The following PVT1 variants were observed in gnomAD, a reference collection of about 807,000 sequenced individuals.
PVT1 encodes CXCR4/PVT1 fusion.
chr8:128,039,975 A>C (rs758870850), intron 4 of PVT1, among the ~76,000 whole-genome samples: 5 of 152,220 alleles, frequency 3.3e-5, no homozygotes, highest in African/African-American at 7.2e-5. Context: ...TGAAGTTTCC[A>C]TTTATTGATA....
intron 4 of PVT1, among the ~76,000 whole-genome samples, chr8:128,035,404 C>T (rs951475308): frequency 3.9e-5 from 6 of 152,190 alleles, no homozygotes; most frequent in Admixed American, 3.3e-4. Context: ...CTTCCTTGGA[C>T]CTGAGCCCAT....
intron 2 of PVT1, among the ~76,000 whole-genome samples, chr8:127,876,049 G>C (rs1815401626): frequency 6.6e-6 from 1 of 152,214 alleles, no homozygotes. Flanking sequence ...CCCTCAGCCA[G>C]GTTTACTGAA....
At chr8:128,060,584 T>C (rs1813818304) in intron 4 of PVT1, among the ~76,000 whole-genome samples, 1 of 152,178 alleles carries the variant, frequency 6.6e-6, no homozygotes, top group South Asian at 2.1e-4. Flanking sequence ...CTCAACCTTC[T>C]CATGGGAGGG....
intron 2 of PVT1, among the ~76,000 whole-genome samples, chr8:127,806,375 C>T (rs967526323): frequency 2.6e-5 from 4 of 152,054 alleles, no homozygotes; most frequent in East Asian, 1.9e-4. Context: ...GCAGGAGAAT[C>T]GCTTGAACCT....
intron 4 of PVT1, among the ~76,000 whole-genome samples, chr8:128,009,338 A>G (rs999201365): frequency 7.9e-5 from 12 of 152,222 alleles, no homozygotes; most frequent in African/African-American, 2.2e-4. Flanking sequence ...TATTTGCTAC[A>G]AAAAAGTCCT....
At chr8:127,885,408 G>C (rs759708361) in intron 2 of PVT1, among the ~76,000 whole-genome samples, 2 of 152,188 alleles carry the variant, frequency 1.3e-5, no homozygotes, top group Non-Finnish European at 2.9e-5. Context: ...TATTTGTCAT[G>C]GTTCTGGAGG....
chr8:128,072,405 C>T (rs776373776), intron 5 of PVT1, among the ~76,000 whole-genome samples: 1 of 152,208 alleles, frequency 6.6e-6, no homozygotes, highest in Non-Finnish European at 1.5e-5. Context: ...GCCTCCACCT[C>T]CTTATTTTTA....
At chr8:128,068,056 A>G (rs2130131223) in intron 4 of PVT1, among the ~76,000 whole-genome samples, 1 of 151,180 alleles carries the variant, frequency 6.6e-6, no homozygotes, top group African/African-American at 2.4e-5. Context: ...TCACCCAATT[A>G]CAACTCTTGC....
intron 4 of PVT1, among the ~76,000 whole-genome samples, chr8:128,063,204 C>G (rs1320794970): frequency 6.6e-6 from 1 of 152,092 alleles, no homozygotes; most frequent in Non-Finnish European, 1.5e-5. Flanking sequence ...CATCTGTAAT[C>G]GTTGCAGATG....
intron 2 of PVT1, among the ~76,000 whole-genome samples, chr8:127,839,638 A>G (rs575676653): frequency 7.2e-5 from 11 of 152,216 alleles, no homozygotes; most frequent in African/African-American, 2.6e-4. Context: ...GAAGCCAGAT[A>G]ATAAGGCAGG....
chr8:127,801,634 G>A (rs1814465899), intron 2 of PVT1, among the ~76,000 whole-genome samples: 1 of 152,084 alleles, frequency 6.6e-6, no homozygotes, highest in Non-Finnish European at 1.5e-5. Flanking sequence ...ACTAAATCAG[G>A]GTCAGGAGCT....
At chr8:128,093,250 C>T (rs1054740718) in intron 5 of PVT1, among the ~76,000 whole-genome samples, 5 of 152,218 alleles carry the variant, frequency 3.3e-5, no homozygotes, top group East Asian at 1.9e-4. Flanking sequence ...AAATAACCAA[C>T]CCTCTTAAGA....
At chr8:128,012,857 G>A (rs975116214) in intron 4 of PVT1, among the ~76,000 whole-genome samples, 7 of 152,156 alleles carry the variant, frequency 4.6e-5, no homozygotes, top group Non-Finnish European at 1.0e-4. Flanking sequence ...CAGAGATTAA[G>A]ATTTAATTGA....
chr8:128,006,338 T>C (rs1469559831), intron 4 of PVT1, among the ~76,000 whole-genome samples: 1 of 152,068 alleles, frequency 6.6e-6, no homozygotes, highest in Non-Finnish European at 1.5e-5. Flanking sequence ...AGTACAATGC[T>C]CAGTTGCCAC....
At chr8:128,005,124 G>A (rs1296837332) in intron 4 of PVT1, among the ~76,000 whole-genome samples, 2 of 149,160 alleles carry the variant, frequency 1.3e-5, no homozygotes, top group African/African-American at 4.9e-5. Flanking sequence ...TGGGCAACAA[G>A]AACAAAACTC....
chr8:127,914,281 A>G (rs1247496893), intron 3 of PVT1, among the ~76,000 whole-genome samples: 1 of 134,742 alleles, frequency 7.4e-6, no homozygotes, highest in Non-Finnish European at 1.5e-5. Context: ...AAAAAAAAAA[A>G]AAAAAAAAAA....
intron 2 of PVT1, among the ~76,000 whole-genome samples, chr8:127,847,607 G>T (rs1815050871): frequency 6.6e-6 from 1 of 152,226 alleles, no homozygotes; most frequent in Non-Finnish European, 1.5e-5. Flanking sequence ...ACTGGCAAAT[G>T]ATGACACATT....
intron 5 of PVT1, among the ~76,000 whole-genome samples, chr8:128,082,416 C>CA (rs1426295876): frequency 8.5e-5 from 13 of 152,186 alleles, no homozygotes. Flanking sequence ...GCCATATTGT[C>CA]AGTCATGTGA....
intron 4 of PVT1, among the ~76,000 whole-genome samples, chr8:128,039,326 C>T (rs773168196): frequency 1.1e-4 from 17 of 152,202 alleles, no homozygotes; most frequent in Non-Finnish European, 2.2e-4. Flanking sequence ...GTTCAGAGAA[C>T]AATCCACACC....
Sources: allele counts gnomAD v4.1 joint callset (sites outside exome capture counted in the v4.1 genomes callset), GRCh38; gene constraint gnomAD v4.1.1; transcripts MANE v1.5; gene names NCBI Gene and HGNC (gene_info 2026-07-23, HGNC 2026-07-21).